The following CELF2 variants were observed in gnomAD, a reference collection of about 807,000 sequenced individuals.
CELF2 encodes CUG triplet repeat RNA-binding protein 2.
A neutral mutation model predicts 62.6 loss-of-function variants in CELF2; 8 were observed. The ratio of observed to expected loss-of-function variants is 0.13; its 90% CI spans 0.07 to 0.23. The LOEUF (loss-of-function observed/expected upper bound fraction) is 0.23. Among genes scored for constraint, CELF2 ranks in the 10% least tolerant of loss-of-function variants. CELF2 has a pLI of 1.00. For synonymous variants in CELF2, 258 were observed against 250.0 expected, an observed-to-expected ratio of 1.03 and a Z score of -0.30; for missense variants, 333 against 671.0, an observed-to-expected ratio of 0.50 and a Z score of 5.56.
chr10:10,639,338 C>T, the CELF2 span, among the ~76,000 whole-genome samples: 1 of 152,124 alleles, frequency 6.6e-6, no homozygotes, highest in Non-Finnish European at 1.5e-5. Context: ...TGCACTGGAG[C>T]CCTTGAGATT....
the CELF2 span, among the ~76,000 whole-genome samples, chr10:10,758,826 CT>C: frequency 6.6e-6 from 1 of 152,176 alleles, no homozygotes; most frequent in Non-Finnish European, 1.5e-5. Flanking sequence ...AAATGCCTTT[CT>C]TTTTTCTTGA....
At chr10:10,875,164 T>C (rs909950033) in intron 1 of CELF2, among the ~76,000 whole-genome samples, 2 of 152,236 alleles carry the variant, frequency 1.3e-5, no homozygotes, top group Admixed American at 1.3e-4. Flanking sequence ...CAATGTGGAA[T>C]TCAATTTAAA....
intron 1 of CELF2, among the ~76,000 whole-genome samples, chr10:10,857,535 A>G (rs1458232250): frequency 1.3e-5 from 2 of 151,466 alleles, no homozygotes; most frequent in Non-Finnish European, 2.9e-5. Context: ...TGTGATATTT[A>G]AAATGTCAAA....
At chr10:10,585,708 C>T in the CELF2 span, among the ~76,000 whole-genome samples, 1 of 152,176 alleles carries the variant, frequency 6.6e-6, no homozygotes, top group Non-Finnish European at 1.5e-5. Context: ...TCTCTCTCTT[C>T]ACTGTTTGAT....
the CELF2 span, among the ~76,000 whole-genome samples, chr10:10,644,361 T>A: frequency 1.3e-5 from 2 of 152,160 alleles, no homozygotes; most frequent in African/African-American, 4.8e-5. Flanking sequence ...AGCAAAGCAC[T>A]TACATTTTAG....
intron 2 of CELF2, among the ~76,000 whole-genome samples, chr10:10,954,219 T>C (rs749885615): frequency 6.7e-5 from 2 of 29,968 alleles, no homozygotes; most frequent in Non-Finnish European, 1.7e-4. Context: ...TATTTATTAT[T>C]ATTATTATTA....
At chr10:10,793,754 T>A (rs974171063), upstream of CELF2, among the ~76,000 whole-genome samples, 6 of 152,196 alleles carry the variant, frequency 3.9e-5, no homozygotes, top group African/African-American at 1.4e-4. Context: ...TTTTAACAAC[T>A]AAAACAATAT....
At chr10:10,524,861 T>G in the CELF2 span, among the ~76,000 whole-genome samples, 1 of 152,172 alleles carries the variant, frequency 6.6e-6, no homozygotes, top group Non-Finnish European at 1.5e-5. Flanking sequence ...ACTTGTTTCA[T>G]GCCTGGAAGC....
the CELF2 span, among the ~76,000 whole-genome samples, chr10:10,502,932 G>A: frequency 3.9e-5 from 6 of 151,944 alleles, no homozygotes; most frequent in East Asian, 5.8e-4. Context: ...ATTACATTAT[G>A]TATTCCTTAT....
chr10:10,514,869 G>A, the CELF2 span, among the ~76,000 whole-genome samples: 1 of 152,158 alleles, frequency 6.6e-6, no homozygotes, highest in Non-Finnish European at 1.5e-5. Flanking sequence ...CCTCTATTGT[G>A]TCATGTGGCA....
chr10:10,540,005 A>G, the CELF2 span, among the ~76,000 whole-genome samples: 509 of 152,246 alleles, frequency 3.3e-3, 1 homozygote, highest in African/African-American at 0.011. Flanking sequence ...GGAGAATTGG[A>G]CTTTGCTGGC....
At chr10:11,041,168 A>G (rs1412299452) in intron 1 of CELF2, among the ~76,000 whole-genome samples, 1 of 152,230 alleles carries the variant, frequency 6.6e-6, no homozygotes, top group Non-Finnish European at 1.5e-5. Flanking sequence ...TTAAAAGAGC[A>G]CTAATTCCAT....
chr10:10,619,506 C>T, the CELF2 span, among the ~76,000 whole-genome samples: 1 of 152,150 alleles, frequency 6.6e-6, no homozygotes, highest in Non-Finnish European at 1.5e-5. Context: ...GTTGTGTTGG[C>T]GAACACACCA....
chr10:10,855,137 T>C (rs1385070711), intron 1 of CELF2, among the ~76,000 whole-genome samples: 3 of 152,216 alleles, frequency 2.0e-5, no homozygotes, highest in Non-Finnish European at 2.9e-5. Context: ...AGTGAGAATC[T>C]GCATGGGACA....
At chr10:10,474,824 G>A in the CELF2 span, among the ~76,000 whole-genome samples, 1 of 152,070 alleles carries the variant, frequency 6.6e-6, no homozygotes, top group Admixed American at 6.6e-5. Flanking sequence ...GCAGCAAGGG[G>A]AACAGTCAGG....
At chr10:11,317,478 A>T (rs1018052333) in intron 10 of CELF2, 1 of 152,266 alleles carries the variant, frequency 6.6e-6, no homozygotes, top group Non-Finnish European at 1.5e-5. Flanking sequence ...CTTGCAGCTT[A>T]GAAGGATAAT....
At chr10:10,854,423 G>A (rs1025820194) in intron 1 of CELF2, among the ~76,000 whole-genome samples, 1 of 152,200 alleles carries the variant, frequency 6.6e-6, no homozygotes, top group African/African-American at 2.4e-5. Context: ...CTGAATGGCC[G>A]TTTATTCTCG....
At chr10:10,885,075 C>G (rs1351100601) in intron 1 of CELF2, among the ~76,000 whole-genome samples, 15 of 152,054 alleles carry the variant, frequency 9.9e-5, no homozygotes, top group Admixed American at 9.8e-4. Context: ...AACCCCGTCT[C>G]TACTAAAGAT....
the CELF2 span, among the ~76,000 whole-genome samples, chr10:10,505,459 G>T: frequency 2.0e-5 from 3 of 152,010 alleles, no homozygotes; most frequent in African/African-American, 7.2e-5. Context: ...GATGAGAAAA[G>T]ACACCTTATT....
Sources: gnomAD v4.1 joint callset for allele counts (sites outside exome capture counted in the v4.1 genomes callset) on GRCh38, gnomAD v4.1.1 for gene constraint, MANE v1.5 for transcripts, NCBI Gene and HGNC (gene_info 2026-07-23, HGNC 2026-07-21) for gene names.